Variants in TTC6 observed in about 807,000 individuals in gnomAD.
TTC6 encodes tetratricopeptide repeat protein 6.
TTC6 carries 172 observed loss-of-function variants against 210.4 expected under a neutral mutation model. That is an observed-to-expected ratio of 0.82 (90% CI 0.72 to 0.93). The LOEUF (loss-of-function observed/expected upper bound fraction) is 0.93, where lower values mean the gene tolerates loss of function less well. Ranked by LOEUF, TTC6 falls within the 40% of genes least tolerant of loss-of-function variation. The pLI is 0.00. For synonymous variants in TTC6, 804 were observed against 819.6 expected, an observed-to-expected ratio of 0.98 and a Z score of 0.32; for missense variants, 2,414 against 2,318.1, an observed-to-expected ratio of 1.04 and a Z score of -0.85.
intron 1 of TTC6, among the ~76,000 whole-genome samples, chr14:37,597,339 C>T (rs1174615093): frequency 2.0e-5 from 3 of 152,038 alleles, no homozygotes; most frequent in African/African-American, 4.8e-5. Context: ...TTCTCCAATA[C>T]CCTCTTGGCT....
rs565060269 is a variant in TTC6, at chr14:37,625,895, G to A, written c.939+2892G>A. Among the ~76,000 whole-genome samples, 3 of 152,292 alleles carry A rather than the reference G, an allele frequency of 2.0e-5. No homozygotes were observed. In the South Asian group the frequency reaches 6.2e-4, roughly 32 times the overall value. On this transcript the variant is annotated intron_variant, in intron 1 of 30. Coordinates refer to ENST00000553443, the Ensembl canonical transcript of TTC6. The stretch of plus-strand genomic sequence containing the variant: ...AGAATACGGAGGGTTAAACTTAGCT[G>A]TCAAATGTCAGACATCTAAACCAGG...
At chr14:37,840,751 T>A (rs181227385) in intron 29 of TTC6, among the ~76,000 whole-genome samples, 2 of 152,080 alleles carry the variant, frequency 1.3e-5, no homozygotes, top group East Asian at 3.9e-4. Context: ...AAAACCAAAG[T>A]GTTACTTTTC....
intron 10 of TTC6, among the ~76,000 whole-genome samples, chr14:37,745,579 G>A (rs2095933495): frequency 6.6e-6 from 1 of 152,068 alleles, no homozygotes; most frequent in Admixed American, 6.5e-5. Context: ...CTGGGACTAG[G>A]GAAATTATCA....
intron 4 of TTC6, 117 bp from the exon 7 acceptor site, chr14:37,701,215 G>A (rs1807006480): frequency 1.6e-6 from 1 of 639,962 alleles, no homozygotes; most frequent in Non-Finnish European, 2.4e-6. Context: ...TTTTAAATCA[G>A]ATCTCCTCCA....
intron 1 of TTC6, among the ~76,000 whole-genome samples, chr14:37,651,403 ATATATATATATATATATATATATT>A (rs2095711189): frequency 1.4e-4 from 2 of 14,344 alleles, no homozygotes; most frequent in South Asian, 3.4e-3. Flanking sequence ...ATATATATAT[ATATATATATATATATATATATATT>A]TTTTTTTTTT....
intron 1 of TTC6, among the ~76,000 whole-genome samples, chr14:37,655,531 C>T (rs1168735703): frequency 6.6e-6 from 1 of 152,078 alleles, no homozygotes; most frequent in Non-Finnish European, 1.5e-5. Flanking sequence ...TTTGAAGTAC[C>T]TTTCTTTCTC....
chr14:37,695,375 A>C (rs1376379312), intron 3 of TTC6, among the ~76,000 whole-genome samples: 1 of 150,970 alleles, frequency 6.6e-6, no homozygotes, highest in Non-Finnish European at 1.5e-5. Flanking sequence ...TTTATTTGAG[A>C]TGGAATTTCA....
intron 27 of TTC6, among the ~76,000 whole-genome samples, chr14:37,824,529 G>A (rs991941864): frequency 2.6e-5 from 4 of 152,110 alleles, no homozygotes; most frequent in Non-Finnish European, 5.9e-5. Context: ...AATGTAGAAC[G>A]GAAACTGCTC....
At chr14:37,691,016 A>G (rs1388886609) in intron 3 of TTC6, among the ~76,000 whole-genome samples, 2 of 152,110 alleles carry the variant, frequency 1.3e-5, no homozygotes, top group African/African-American at 2.4e-5. Context: ...ACCAATATTA[A>G]ACATTTTCTC....
chr14:37,809,174 G>T lies in TTC6; in HGVS notation c.4569+328G>T, dbSNP rs116124844. 1.1e-3 allele frequency among the ~76,000 whole-genome samples: 161 copies of T among 150,972 alleles called. 1 individual carries two copies. Among genetic ancestry groups the T allele is most frequent in the African/African-American group, 3.6e-3 (150 of 41,112 alleles). On this transcript the variant is annotated intron_variant, in intron 24 of 30. Transcript: ENST00000553443. ...AATTAAGTTGATAATGCTTATAGAA[G>T]TATTTAAAGGCATTTATAAATTAAA...
chr14:37,602,923 T>C (rs2095618512), intron 1 of TTC6, among the ~76,000 whole-genome samples: 1 of 152,106 alleles, frequency 6.6e-6, no homozygotes, highest in South Asian at 2.1e-4. Flanking sequence ...ATACCTTCCA[T>C]TGTGAATTGC....
intron 1 of TTC6, among the ~76,000 whole-genome samples, chr14:37,627,628 T>C (rs2095662566): frequency 1.3e-5 from 2 of 152,236 alleles, no homozygotes; most frequent in Admixed American, 6.5e-5. Context: ...GCAAAGGACA[T>C]GAACTCATCC....
At chr14:37,741,817 C>T (rs1316814415) in intron 10 of TTC6, among the ~76,000 whole-genome samples, 12 of 152,150 alleles carry the variant, frequency 7.9e-5, no homozygotes, top group Admixed American at 7.2e-4. Flanking sequence ...CTTTTATCCC[C>T]TTAGCCCTGT....
At chr14:37,755,427 G>C (rs1466554449) in intron 14 of TTC6, among the ~76,000 whole-genome samples, 1 of 152,060 alleles carries the variant, frequency 6.6e-6, no homozygotes, top group African/African-American at 2.4e-5. Flanking sequence ...CATTGCTTTT[G>C]GTGTTTTAGA....
chr14:37,633,219 C>T (rs532797911), intron 1 of TTC6, among the ~76,000 whole-genome samples: 6 of 152,320 alleles, frequency 3.9e-5, no homozygotes, highest in South Asian at 2.1e-4. Flanking sequence ...AATGGCCACC[C>T]GGTTTTGTGC....
intron 1 of TTC6, among the ~76,000 whole-genome samples, chr14:37,635,992 AAAAAAAAAG>A (rs2095679744): frequency 1.3e-5 from 2 of 150,412 alleles, no homozygotes; most frequent in African/African-American, 2.4e-5. Flanking sequence ...AAAAAAAAAA[AAAAAAAAAG>A]AAAAAAAAAA....
intron 21 of TTC6, among the ~76,000 whole-genome samples, chr14:37,805,697 G>T (rs559480171): frequency 3.3e-5 from 5 of 151,762 alleles, no homozygotes; most frequent in South Asian, 2.1e-4. Flanking sequence ...GTGTTTTTTT[G>T]TTTGTTTGTT....
chr14:37,774,112 T>C (rs1400444463), intron 14 of TTC6, among the ~76,000 whole-genome samples: 2 of 152,190 alleles, frequency 1.3e-5, no homozygotes, highest in East Asian at 1.9e-4. Flanking sequence ...ATTGATTTTG[T>C]ATCCTGAAAC....
intron 13 of TTC6, among the ~76,000 whole-genome samples, chr14:37,751,649 T>C (rs1015213081): frequency 6.6e-6 from 1 of 152,162 alleles, no homozygotes; most frequent in Admixed American, 6.5e-5. Flanking sequence ...AAGCTGTGCT[T>C]ACTGGTTCGT....
Sources: gnomAD v4.1 joint callset for allele counts (sites outside exome capture counted in the v4.1 genomes callset) on GRCh38, gnomAD v4.1.1 for gene constraint, MANE v1.5 for transcripts, NCBI Gene and HGNC (gene_info 2026-07-23, HGNC 2026-07-21) for gene names.